Variants in SIL1 observed in about 807,000 individuals in gnomAD.
SIL1 encodes the protein SIL1 nucleotide exchange factor.
In SIL1, 40 loss-of-function variants were observed where a neutral mutation model predicts 49.1. The observed-to-expected ratio is 0.81, with a 90% CI of 0.63 to 1.06. SIL1 has a LOEUF of 1.06. Ranked by LOEUF, SIL1 falls within the 50% of genes least tolerant of loss-of-function variation. SIL1 has a pLI of 0.00. For missense variants in SIL1, 500 were observed against 572.6 expected (o/e 0.87, Z 1.29); for synonymous variants, 253 against 250.8 (o/e 1.01, Z -0.08).
At chr5:139,034,477 T>C (rs908016429) in intron 5 of SIL1, 8 of 152,226 alleles carry the variant, frequency 5.3e-5, no homozygotes, top group African/African-American at 1.9e-4. Flanking sequence ...GGATTACCTA[T>C]GCTTTTGAGT....
intron 7 of SIL1, among the ~76,000 whole-genome samples, chr5:139,002,134 C>T (rs913057058): frequency 1.3e-5 from 2 of 151,790 alleles, no homozygotes; most frequent in Middle Eastern, 3.2e-3. Flanking sequence ...TTGCTTGAAC[C>T]CAGGAGGTCG....
intron 3 of SIL1, among the ~76,000 whole-genome samples, chr5:139,088,093 C>T (rs921954709): frequency 1.3e-5 from 2 of 152,166 alleles, no homozygotes; most frequent in South Asian, 2.1e-4. Flanking sequence ...TCATTAGGCC[C>T]GTGGAGCTGC....
chr5:139,004,798 T>C (rs1468444900), intron 7 of SIL1, among the ~76,000 whole-genome samples: 4 of 152,220 alleles, frequency 2.6e-5, no homozygotes, highest in Admixed American at 6.5e-5. Flanking sequence ...AAAACTGCCA[T>C]TTGTGACAAT....
intron 7 of SIL1, among the ~76,000 whole-genome samples, chr5:139,000,651 G>A (rs1767963873): frequency 6.6e-6 from 1 of 151,814 alleles, no homozygotes; most frequent in Admixed American, 6.6e-5. Flanking sequence ...GATAATATAG[G>A]CAAATATCTC....
At chr5:139,186,742 T>C (rs1332666914) in intron 1 of SIL1, among the ~76,000 whole-genome samples, 1 of 152,222 alleles carries the variant, frequency 6.6e-6, no homozygotes, top group Non-Finnish European at 1.5e-5. Context: ...CTTGAATTCA[T>C]AAACATTTAT....
chr5:139,025,004 T>C (rs1488625643), intron 6 of SIL1, among the ~76,000 whole-genome samples: 1 of 152,216 alleles, frequency 6.6e-6, no homozygotes, highest in Admixed American at 6.5e-5. Context: ...CCAGTTCCTA[T>C]CTCGCCATAG....
At chr5:139,038,339 T>C (rs534470357) in intron 5 of SIL1, among the ~76,000 whole-genome samples, 1 of 152,296 alleles carries the variant, frequency 6.6e-6, no homozygotes, top group South Asian at 2.1e-4. Flanking sequence ...TTTCAGTAGG[T>C]AGACATCCTA....
intron 1 of SIL1, among the ~76,000 whole-genome samples, chr5:139,156,497 T>G (rs989640200): frequency 6.6e-6 from 1 of 152,060 alleles, no homozygotes; most frequent in Non-Finnish European, 1.5e-5. Context: ...GAGTTGAGTC[T>G]GGCTGAGGGA....
At chr5:139,008,438 G>C (rs1768173657) in intron 7 of SIL1, among the ~76,000 whole-genome samples, 1 of 120,186 alleles carries the variant, frequency 8.3e-6, no homozygotes, top group Non-Finnish European at 1.7e-5. Context: ...ATTTTTTGAA[G>C]GGTTTTTTGT....
intron 7 of SIL1, among the ~76,000 whole-genome samples, chr5:138,988,868 C>T (rs1767698202): frequency 6.6e-6 from 1 of 152,180 alleles, no homozygotes; most frequent in African/African-American, 2.4e-5. Context: ...GAGACCGTAT[C>T]TCTACCAAAT....
At chr5:139,044,653 T>C (rs1769112770) in intron 4 of SIL1, among the ~76,000 whole-genome samples, 1 of 152,244 alleles carries the variant, frequency 6.6e-6, no homozygotes, top group South Asian at 2.1e-4. Context: ...TGAGTGTCCC[T>C]GATCCTATTA....
At chr5:139,118,963 G>A (rs1561869289) in intron 3 of SIL1, among the ~76,000 whole-genome samples, 1 of 152,128 alleles carries the variant, frequency 6.6e-6, no homozygotes, top group East Asian at 1.9e-4. Context: ...AATGCTCCTG[G>A]GATGGGGCAG....
rs1318891073 is a variant in SIL1, at chr5:138,986,728, C to G, written c.767+34443G>C. 2.0e-5 allele frequency among the ~76,000 whole-genome samples: 3 copies of G among 152,198 alleles called. No individual in the cohort carries two copies. The East Asian group carries it at 5.8e-4, about 29-fold the overall frequency. ...TAATCACTCACTGTGTGTTTTTACA[C>G]ACTAGTTGAACTGAAATTAAGACTG... On this transcript the variant is annotated intron_variant, in intron 7 of 9. Coordinates refer to ENST00000394817, the MANE Select transcript of SIL1 (RefSeq NM_022464.5).
At chr5:139,035,642 CTTTTTTTTTTT>C (rs759319838) in intron 5 of SIL1, 3 of 159,594 alleles carry the variant, frequency 1.9e-5, no homozygotes, top group African/African-American at 4.8e-5. Context: ...AGGTATACAA[CTTTTTTTTTTT>C]TTTTTTTTTT....
rs1332800165 is a variant in SIL1 at position 139,193,014 on chromosome 5, A to C, written c.-11+5255T>G. 1.8e-4 allele frequency among the ~76,000 whole-genome samples: 21 copies of C among 119,862 alleles called. 1 individual carries two copies. Among genetic ancestry groups the C allele is most frequent in the Non-Finnish European group, 4.0e-5 (2 of 49,698 alleles). The allele number at this position is 119,862 out of a possible 152,430, so 78.6% of individuals were successfully genotyped here. ...CTCAGTCTCAAAAAAAAAAAAAAAA[A>C]AAAAAAAAAAACAGGAAAGGAAACG... On this transcript the variant is annotated intron_variant, in intron 1 of 9. Transcript: ENST00000394817.
At chr5:139,055,137 A>G (rs1421515139) in intron 3 of SIL1, among the ~76,000 whole-genome samples, 1 of 152,182 alleles carries the variant, frequency 6.6e-6, no homozygotes. Context: ...TGCAAAGCCT[A>G]CAGTGTCTGT....
rs565053331 is a variant in SIL1 at position 139,139,590 on chromosome 5, G to A, written c.-10-11737C>T. Among the ~76,000 whole-genome samples, 3 of 152,354 alleles carry A rather than the reference G, an allele frequency of 2.0e-5. No individual in the cohort carries two copies. In the South Asian group the frequency reaches 6.2e-4, roughly 32 times the overall value. On this transcript the variant is annotated intron_variant, in intron 1 of 9. Coordinates refer to ENST00000394817, the MANE Select transcript of SIL1 (RefSeq NM_022464.5). ...ACACTGGGCACCATACTATGGAACA[G>A]AATATACAAAAGATATTGTCACTTG...
intron 5 of SIL1, 49 bp from the exon 6 acceptor site, chr5:139,027,041 C>G (rs368237667): frequency 4.1e-5 from 64 of 1,572,464 alleles, no homozygotes; most frequent in Non-Finnish European, 4.7e-5. Context: ...GACATCTGCC[C>G]AAGATGTCTG....
chr5:139,098,073 C>T (rs760269186), intron 3 of SIL1, among the ~76,000 whole-genome samples: 16 of 152,164 alleles, frequency 1.1e-4, no homozygotes, highest in Non-Finnish European at 1.2e-4. Context: ...TGACATTCTT[C>T]ATAGAAATAG....
Sources: allele counts gnomAD v4.1 joint callset (sites outside exome capture counted in the v4.1 genomes callset), GRCh38; gene constraint gnomAD v4.1.1; transcripts MANE v1.5; gene names NCBI Gene and HGNC (gene_info 2026-07-23, HGNC 2026-07-21).